Variants in NRXN1 observed in about 807,000 individuals in gnomAD.
NRXN1 encodes neurexin-1.
Under a neutral mutation model 150.9 loss-of-function variants are expected in NRXN1, and 39 were observed. The ratio of observed to expected loss-of-function variants is 0.26; its 90% CI spans 0.20 to 0.34. The LOEUF (loss-of-function observed/expected upper bound fraction) is 0.34, where lower values mean the gene tolerates loss of function less well. NRXN1 is among the 10% of genes least tolerant of loss of function. The pLI is 1.00. For synonymous variants in NRXN1, 924 were observed against 757.0 expected (o/e 1.22, Z -3.62); for missense variants, 1,815 against 1,949.9 (o/e 0.93, Z 1.30).
chr2:49,953,323 C>G (rs192892266), intron 21 of NRXN1, among the ~76,000 whole-genome samples: 1 of 152,272 alleles, frequency 6.6e-6, no homozygotes, highest in East Asian at 1.9e-4. Context: ...ATGCTTGTAT[C>G]TATCCAGTGG....
intron 1 of NRXN1, among the ~76,000 whole-genome samples, chr2:51,029,720 T>C (rs1671179465): frequency 6.6e-6 from 1 of 152,244 alleles, no homozygotes; most frequent in African/African-American, 2.4e-5. Context: ...TTCTTGATAG[T>C]CTCTTGCAAA....
At chr2:50,955,291 G>A (rs565963825) in intron 2 of NRXN1, among the ~76,000 whole-genome samples, 7 of 152,218 alleles carry the variant, frequency 4.6e-5, no homozygotes, top group East Asian at 3.9e-4. Flanking sequence ...GGAGAGGGAC[G>A]GCTGGCCCTG....
At chr2:50,075,111 T>C (rs1442516889) in intron 19 of NRXN1, among the ~76,000 whole-genome samples, 8 of 152,204 alleles carry the variant, frequency 5.3e-5, no homozygotes. Context: ...AATTTATATG[T>C]ATAGAAACAA....
At chr2:50,453,740 CAT>C (rs964692921) in intron 17 of NRXN1, among the ~76,000 whole-genome samples, 4 of 152,176 alleles carry the variant, frequency 2.6e-5, no homozygotes, top group African/African-American at 9.6e-5. Flanking sequence ...AAAGGGAACA[CAT>C]AGAGAATTCT....
intron 17 of NRXN1, chr2:50,464,088 CTTTA>C (rs1558776070): frequency 2.0e-5 from 3 of 151,036 alleles, no homozygotes; most frequent in Admixed American, 6.6e-5. Flanking sequence ...TTTATTAAGA[CTTTA>C]TGTAAAGTTG....
chr2:51,026,340 C>G (rs1348066408), intron 2 of NRXN1: 4 of 1,418,032 alleles, frequency 2.8e-6, no homozygotes, highest in Non-Finnish European at 3.9e-6. Flanking sequence ...TACTTAGCCA[C>G]TGATTCGTCT....
chr2:50,238,621 G>C (rs1459271111), intron 17 of NRXN1, among the ~76,000 whole-genome samples: 2 of 151,958 alleles, frequency 1.3e-5, no homozygotes, highest in Admixed American at 1.3e-4. Flanking sequence ...TGATTACCAA[G>C]TTTACCAGTT....
At chr2:50,120,890 G>A (rs75205971) in intron 18 of NRXN1, among the ~76,000 whole-genome samples, 1,605 of 152,274 alleles carry the variant, frequency 0.011, 16 homozygotes, top group Middle Eastern at 0.034. Flanking sequence ...CTGATCATTT[G>A]ATGAGATCTG....
At chr2:50,329,473 T>C (rs904238365) in intron 17 of NRXN1, among the ~76,000 whole-genome samples, 13 of 150,384 alleles carry the variant, frequency 8.6e-5, no homozygotes, top group Admixed American at 8.0e-4. Context: ...GAGAACTCAG[T>C]TTGGCAGTGA....
At chr2:50,696,543 C>T (rs543963958) in intron 5 of NRXN1, among the ~76,000 whole-genome samples, 82 of 152,168 alleles carry the variant, frequency 5.4e-4, no homozygotes, top group African/African-American at 1.8e-3. Flanking sequence ...GTGAAGCAGG[C>T]GGAGAAAACT....
At chr2:50,148,286 AC>A (rs1409109673) in intron 18 of NRXN1, among the ~76,000 whole-genome samples, 6 of 151,592 alleles carry the variant, frequency 4.0e-5, no homozygotes, top group Non-Finnish European at 8.9e-5. Flanking sequence ...CTAGCAAGTT[AC>A]TTAACCTCTG....
chr2:50,290,866 C>G (rs577537223), intron 17 of NRXN1, among the ~76,000 whole-genome samples: 1 of 152,298 alleles, frequency 6.6e-6, no homozygotes, highest in African/African-American at 2.4e-5. Flanking sequence ...ATGTGGCTGA[C>G]AGTCTGACTG....
At chr2:50,921,732 T>C in intron 5 of NRXN1, 137 bp downstream of exon 5, 1 of 399,690 alleles carries the variant, frequency 2.5e-6, no homozygotes, top group Non-Finnish European at 4.6e-6. Context: ...ATCTTAAATT[T>C]ATAAAATATT....
intron 5 of NRXN1, among the ~76,000 whole-genome samples, chr2:50,653,921 C>T (rs1686002371): frequency 6.7e-6 from 1 of 149,992 alleles, no homozygotes; most frequent in African/African-American, 2.4e-5. Context: ...GTAGCTGAAG[C>T]ATACAGGTAG....
At chr2:50,119,387 A>G (rs559250802) in intron 18 of NRXN1, among the ~76,000 whole-genome samples, 1 of 152,086 alleles carries the variant, frequency 6.6e-6, no homozygotes, top group African/African-American at 2.4e-5. Context: ...ATGTAAGGAG[A>G]TACGTAAGTG....
chr2:50,426,147 C>T (rs2084467927), intron 17 of NRXN1, among the ~76,000 whole-genome samples: 1 of 152,160 alleles, frequency 6.6e-6, no homozygotes, highest in Non-Finnish European at 1.5e-5. Flanking sequence ...ATCTTCTAAA[C>T]TATCATGTGG....
At chr2:49,985,755 T>G (rs1680799920) in intron 21 of NRXN1, among the ~76,000 whole-genome samples, 1 of 152,208 alleles carries the variant, frequency 6.6e-6, no homozygotes, top group Admixed American at 6.5e-5. Context: ...GAAGGCATAC[T>G]GTCATGCAAA....
At chr2:50,504,261 T>A (rs1008931986) in intron 13 of NRXN1, among the ~76,000 whole-genome samples, 2 of 152,124 alleles carry the variant, frequency 1.3e-5, no homozygotes, top group Non-Finnish European at 2.9e-5. Context: ...GGATTACAGA[T>A]TAGAAAAATA....
At chr2:50,350,634 G>T (rs140801935) in intron 17 of NRXN1, among the ~76,000 whole-genome samples, 1 of 152,166 alleles carries the variant, frequency 6.6e-6, no homozygotes, top group Admixed American at 6.5e-5. Context: ...ACTTTGGAGA[G>T]CGATTTGTAT....
Sources: gnomAD v4.1 joint callset for allele counts (sites outside exome capture counted in the v4.1 genomes callset) on GRCh38, gnomAD v4.1.1 for gene constraint, MANE v1.5 for transcripts, NCBI Gene and HGNC (gene_info 2026-07-23, HGNC 2026-07-21) for gene names.